LIMS1: variants seen among roughly 807,000 people sequenced by gnomAD.
The protein encoded by LIMS1 is LIM and senescent cell antigen-like-containing domain protein 1.
A neutral mutation model predicts 44.1 loss-of-function variants in LIMS1; 18 were observed. That is an observed-to-expected ratio of 0.41 (90% confidence interval 0.28 to 0.61). The LOEUF (loss-of-function observed/expected upper bound fraction) is 0.61. Ranked by LOEUF, LIMS1 falls within the 20% of genes least tolerant of loss-of-function variation. The pLI, the probability that LIMS1 is intolerant of heterozygous loss-of-function variation, is 0.32. For missense variants in LIMS1, 201 were observed against 422.0 expected, an observed-to-expected ratio of 0.48 and a Z score of 4.59; for synonymous variants, 93 against 149.1, an observed-to-expected ratio of 0.62 and a Z score of 2.74.
In LIMS1 at chr2:108,574,044, C is replaced by A. The variant is rs942250993; in HGVS notation, c.32+39450C>A. ...AAAGATGCCTGAATCCCCCCTCCCC[C>A]CCACCAAAAAAAAGTGGAAATCAGT... On this transcript the variant is annotated intron_variant, in intron 1 of 9. Coordinates refer to ENST00000544547, the Ensembl canonical transcript of LIMS1. Among the ~76,000 whole-genome samples, 3 of 151,900 alleles carry A rather than the reference C, an allele frequency of 2.0e-5. No homozygotes were observed. In the South Asian group the frequency reaches 6.2e-4, roughly 32 times the overall value.
chr2:108,614,902 G>A (rs1687848787), intron 1 of LIMS1, among the ~76,000 whole-genome samples: 3 of 152,160 alleles, frequency 2.0e-5, no homozygotes, highest in African/African-American at 7.2e-5. Context: ...TGAATTCCAG[G>A]GCAGGGAGAA....
intron 1 of LIMS1, among the ~76,000 whole-genome samples, chr2:108,610,148 A>ATGTG (rs60571292): frequency 0.021 from 3,055 of 143,300 alleles, 35 homozygotes; most frequent in African/African-American, 0.041. Context: ...GTTACAAAAA[A>ATGTG]TGTGTGTGTG....
intron 1 of LIMS1, among the ~76,000 whole-genome samples, chr2:108,602,044 ATT>A (rs1257091143): frequency 6.6e-6 from 1 of 152,070 alleles, no homozygotes; most frequent in African/African-American, 2.4e-5. Context: ...ATTCCTGGGT[ATT>A]TTATTTTATT....
chr2:108,547,365 G>T (rs1265640176), intron 1 of LIMS1, among the ~76,000 whole-genome samples: 2 of 152,200 alleles, frequency 1.3e-5, no homozygotes, highest in Non-Finnish European at 2.9e-5. Flanking sequence ...ATGATGCTTA[G>T]TGTCTCCAGC....
intron 1 of LIMS1, among the ~76,000 whole-genome samples, chr2:108,566,030 T>C (rs1685279020): frequency 1.3e-5 from 2 of 152,202 alleles, no homozygotes; most frequent in African/African-American, 2.4e-5. Flanking sequence ...CCATAGCAGC[T>C]CCTTTTTGAG....
intron 2 of LIMS1, among the ~76,000 whole-genome samples, chr2:108,669,594 TTAA>T (rs1453029351): frequency 1.3e-5 from 2 of 152,062 alleles, no homozygotes; most frequent in African/African-American, 2.4e-5. Context: ...AAAATGGATT[TTAA>T]TAATCAAACA....
chr2:108,542,732 AAGGGGGT>A (rs1558780220), intron 1 of LIMS1, among the ~76,000 whole-genome samples: 1 of 152,034 alleles, frequency 6.6e-6, no homozygotes, highest in Non-Finnish European at 1.5e-5. Context: ...TTCCTTTTTT[AAGGGGGT>A]AGGAGTTCCC....
At chr2:108,686,925 T>C (rs1693343375) in exon 10 of LIMS1, 1 of 152,228 alleles carries the variant, frequency 6.6e-6, no homozygotes, top group South Asian at 2.1e-4. Flanking sequence ...AATAATTCAT[T>C]GTTCATGCCA....
intron 1 of LIMS1, among the ~76,000 whole-genome samples, chr2:108,657,473 C>T (rs1473731184): frequency 2.6e-5 from 4 of 152,300 alleles, no homozygotes; most frequent in African/African-American, 4.8e-5. Context: ...AATGACCAGG[C>T]AGATGTGGAG....
At chr2:108,550,171 T>C (rs1684632559) in intron 1 of LIMS1, among the ~76,000 whole-genome samples, 1 of 152,088 alleles carries the variant, frequency 6.6e-6, no homozygotes, top group Non-Finnish European at 1.5e-5. Context: ...AAACATAAAA[T>C]GACTAGGAAA....
upstream of LIMS1, chr2:108,534,347 C>G (rs1431206056): frequency 4.1e-6 from 1 of 244,008 alleles, no homozygotes; most frequent in South Asian, 1.7e-4. Context: ...CCCCGCCCCT[C>G]CTTGCCCAGC....
At chr2:108,596,783 A>G (rs1470304394) in intron 1 of LIMS1, among the ~76,000 whole-genome samples, 2 of 152,164 alleles carry the variant, frequency 1.3e-5, no homozygotes, top group Admixed American at 6.5e-5. Context: ...AGATCACGCC[A>G]TTGCACAGCC....
At chr2:108,660,444 T>C (rs1189605774) in intron 2 of LIMS1, 8 of 392,768 alleles carry the variant, frequency 2.0e-5, no homozygotes, top group Non-Finnish European at 9.9e-6. Context: ...TATTGTTTTG[T>C]TTTGTTTGAG....
chr2:108,564,595 G>A (rs1186653895), intron 1 of LIMS1, among the ~76,000 whole-genome samples: 1 of 152,138 alleles, frequency 6.6e-6, no homozygotes, highest in Admixed American at 6.5e-5. Context: ...TCTGAAGGCT[G>A]TCTAATGGCA....
chr2:108,659,801 C>T (rs200246308), intron 2 of LIMS1, 37 bp downstream of exon 2: 41 of 1,612,134 alleles, frequency 2.5e-5, no homozygotes, highest in Non-Finnish European at 3.5e-5. Context: ...AGGTGCCATT[C>T]CCCGCCCTCC....
rs567266552 is a variant in LIMS1 at position 108,566,417 on chromosome 2, T to A, written c.32+31823T>A. On this transcript the variant is annotated intron_variant, in intron 1 of 9. Transcript: ENST00000544547. ...CAGATCACTTTTAAGATATATATTATTTATACCCTCATTTATATAGATGAG... is the reference window on the plus strand; with the variant it reads ...CAGATCACTTTTAAGATATATATTAATTATACCCTCATTTATATAGATGAG... 2.6e-5 allele frequency among the ~76,000 whole-genome samples: 4 copies of A among 152,266 alleles called. No individual in the cohort carries two copies. In the South Asian group the frequency reaches 8.3e-4, roughly 32 times the overall value.
At chr2:108,646,730 G>A (rs984765291) in intron 1 of LIMS1, among the ~76,000 whole-genome samples, 2 of 152,106 alleles carry the variant, frequency 1.3e-5, no homozygotes, top group Non-Finnish European at 1.5e-5. Flanking sequence ...GTTTTGAGAC[G>A]GAGTCTGGCT....
At chr2:108,676,953 T>TA (rs1219578307) in intron 7 of LIMS1, 1 of 448,190 alleles carries the variant, frequency 2.2e-6, no homozygotes, top group Non-Finnish European at 4.0e-6. Flanking sequence ...AACACATAGT[T>TA]ACGTAAATAT....
chr2:108,562,865 G>A (rs1245382379), intron 1 of LIMS1, among the ~76,000 whole-genome samples: 1 of 152,194 alleles, frequency 6.6e-6, no homozygotes, highest in Non-Finnish European at 1.5e-5. Context: ...TGAATGCCTG[G>A]CTTCACTGTT....
Sources: gnomAD v4.1 joint callset for allele counts (sites outside exome capture counted in the v4.1 genomes callset) on GRCh38, gnomAD v4.1.1 for gene constraint, MANE v1.5 for transcripts, NCBI Gene and HGNC (gene_info 2026-07-23, HGNC 2026-07-21) for gene names.